SLC37A1: variants seen among roughly 807,000 people sequenced by gnomAD.
SLC37A1 encodes the protein glucose-6-phosphate exchanger SLC37A1.
A neutral mutation model predicts 75.3 loss-of-function variants in SLC37A1; 49 were observed. The observed-to-expected ratio is 0.65, with a 90% CI of 0.52 to 0.83. The LOEUF (loss-of-function observed/expected upper bound fraction) is 0.83, where lower values mean the gene tolerates loss of function less well. SLC37A1 is among the 40% of genes least tolerant of loss of function. The probability of loss-of-function intolerance (pLI) is 0.00; values close to 1 mark genes in which losing one functional copy is unlikely to be tolerated. For missense variants in SLC37A1, 566 were observed against 695.0 expected (o/e 0.81, Z 2.09); for synonymous variants, 268 against 292.1 (o/e 0.92, Z 0.84).
intron 16 of SLC37A1, among the ~76,000 whole-genome samples, chr21:42,568,095 G>A (rs1047406282): frequency 2.0e-5 from 3 of 152,260 alleles, no homozygotes; most frequent in Non-Finnish European, 2.9e-5. Flanking sequence ...GGAGGAGCAG[G>A]ACTGTGCGGA....
upstream of SLC37A1, among the ~76,000 whole-genome samples, chr21:42,511,831 A>G (rs916901200): frequency 6.6e-6 from 1 of 152,136 alleles, no homozygotes; most frequent in Non-Finnish European, 1.5e-5. Context: ...AAAAATATGC[A>G]TGACCTCACT....
At chr21:42,563,767 G>A in intron 12 of SLC37A1, 48 bp from the exon 13 acceptor site, 5 of 1,584,762 alleles carry the variant, frequency 3.2e-6, no homozygotes, top group Non-Finnish European at 4.3e-6. Flanking sequence ...TCGCTGCGAT[G>A]CGTGAAGGAG....
chr21:42,561,967 C>CAGAG (rs2055841604), intron 11 of SLC37A1, 111 bp from the exon 12 acceptor site: 2 of 875,380 alleles, frequency 2.3e-6, no homozygotes, highest in Non-Finnish European at 3.8e-6. Context: ...AAAGCCAGAC[C>CAGAG]AGAGACAGGA....
At position 42,572,839 on chromosome 21, in the gene SLC37A1, G is replaced by A. The variant is rs144472211; in HGVS notation, c.1424-1979G>A. 2.7e-3 allele frequency among the ~76,000 whole-genome samples: 412 copies of A among 152,194 alleles called. 1 individual carries two copies. The highest frequency in any genetic ancestry group is 9.5e-3 in the African/African-American group (394 of 41,486). Reference sequence around the variant, plus strand: ...CTCCTGCCAGCTTGCTTGCTTTCACGTTGGGGTGTTCCCCAGACACAGGGC... The same window carrying A: ...CTCCTGCCAGCTTGCTTGCTTTCACATTGGGGTGTTCCCCAGACACAGGGC... On this transcript the variant is annotated intron_variant, in intron 17 of 19. Transcript: ENST00000352133.
chr21:42,534,083 C>T (rs2055067574), intron 3 of SLC37A1, among the ~76,000 whole-genome samples: 1 of 152,180 alleles, frequency 6.6e-6, no homozygotes, highest in South Asian at 2.1e-4. Context: ...TTTCTGGCTC[C>T]CAGACAGCTC....
rs1373851002 is a variant in SLC37A1, at chr21:42,562,134, C to T, written c.1038C>T (p.Phe346=). 2 of 1,614,226 alleles carry T rather than the reference C, an allele frequency of 1.2e-6. No individual in the cohort carries two copies. The highest frequency in any genetic ancestry group is 1.7e-6 in the Non-Finnish European group (2 of 1,180,042). The change falls in exon 12 of 20, where the codon TTC becomes TTT. Residue 346 remains phenylalanine, a synonymous_variant. Coordinates refer to ENST00000352133, the MANE Select transcript of SLC37A1 (RefSeq NM_001320537.2). ...TTGCCAAGCTGGTCAGCTATACTTTCCTCTTCTGGCTGCCCCTGTACATCA... is the reference window on the plus strand; with the variant it reads ...TTGCCAAGCTGGTCAGCTATACTTTTCTCTTCTGGCTGCCCCTGTACATCA... ...LLFAKLVSYT[F]LFWLPLYITN...
chr21:42,543,303 A>T, intron 7 of SLC37A1, 133 bp from the exon 8 acceptor site: 1 of 1,009,456 alleles, frequency 9.9e-7, no homozygotes, highest in Non-Finnish European at 1.6e-6. Context: ...CATGGCACAG[A>T]AGCAGGGTCT....
chr21:42,525,859 T>G lies in SLC37A1; in HGVS notation c.138+2T>G. The stretch of plus-strand genomic sequence containing the variant: ...CGAAAGCCTATCAGCATAGTTAAGG[T>G]AAGAATCATGGAAAGCACTGCCTGT... On this transcript the variant is annotated splice_donor_variant, in intron 3 of 19. Coordinates refer to ENST00000352133, the MANE Select transcript of SLC37A1 (RefSeq NM_001320537.2). LOFTEE classifies it high-confidence loss of function. 6.2e-7 allele frequency: 1 copy of G among 1,612,008 alleles called. No homozygotes were observed. Among genetic ancestry groups the G allele is most frequent in the South Asian group, 1.1e-5 (1 of 91,038 alleles).
rs758908719 is a variant in SLC37A1, at chr21:42,539,602, G to A, written c.441G>A (p.Gly147=). Residue 147 remains glycine (G), a synonymous_variant, in exon 6 of 20, where the codon GGG becomes GGA. Coordinates refer to ENST00000352133, the MANE Select transcript of SLC37A1 (RefSeq NM_001320537.2). ...SGAFTALFGL[G]YFYNIHSFGF... ...CCTTCACCGCCCTGTTCGGCTTAGGGTATTTCTACAACATCCACAGTTTCG... is the reference window on the plus strand; with the variant it reads ...CCTTCACCGCCCTGTTCGGCTTAGGATATTTCTACAACATCCACAGTTTCG... 3.7e-6 allele frequency: 6 copies of A among 1,613,954 alleles called. 1 individual carries two copies. The highest frequency in any genetic ancestry group is 1.7e-4 in the Middle Eastern group (1 of 6,060).
At chr21:42,567,673 G>A (rs1368017998) in intron 16 of SLC37A1, among the ~76,000 whole-genome samples, 1 of 152,110 alleles carries the variant, frequency 6.6e-6, no homozygotes, top group Admixed American at 6.5e-5. Context: ...CATATTACGT[G>A]CATATACAAG....
At chr21:42,576,684 G>GA (rs1475469883) in intron 18 of SLC37A1, among the ~76,000 whole-genome samples, 1 of 152,140 alleles carries the variant, frequency 6.6e-6, no homozygotes, top group African/African-American at 2.4e-5. Context: ...AGACACTATT[G>GA]AAAAGACAGA....
intron 16 of SLC37A1, among the ~76,000 whole-genome samples, 193 bp downstream of exon 16, chr21:42,567,251 G>A (rs945469866): frequency 6.6e-6 from 1 of 152,244 alleles, no homozygotes; most frequent in Admixed American, 6.5e-5. Context: ...TCATGGGCAG[G>A]TTGGTGCAAA....
chr21:42,530,595 T>TACACACACACACACAC (rs71190427), intron 3 of SLC37A1, among the ~76,000 whole-genome samples: 28 of 103,224 alleles, frequency 2.7e-4, no homozygotes, highest in East Asian at 1.7e-3. Flanking sequence ...ATGCAGATGA[T>TACACACACACACACAC]ACACACACAC....
At chr21:42,520,355 T>C (rs2054618609) in intron 2 of SLC37A1, among the ~76,000 whole-genome samples, 1 of 152,238 alleles carries the variant, frequency 6.6e-6, no homozygotes, top group Non-Finnish European at 1.5e-5. Context: ...TTTTTCCTTC[T>C]TCTTCTGAGA....
chr21:42,568,301 C>T, intron 16 of SLC37A1, 59 bp from the exon 17 acceptor site: 4 of 1,381,346 alleles, frequency 2.9e-6, no homozygotes, highest in Middle Eastern at 1.8e-4. Flanking sequence ...CATACAGAGG[C>T]TTAGGTTTAC....
chr21:42,573,036 A>G (rs113714896), intron 17 of SLC37A1, among the ~76,000 whole-genome samples: 13,301 of 152,204 alleles, frequency 0.087, 802 homozygotes, highest in Non-Finnish European at 0.13. Context: ...TCCAGCTGCC[A>G]ACATCCTTGC....
At chr21:42,549,391 T>A (rs1314293376) in intron 9 of SLC37A1, among the ~76,000 whole-genome samples, 4 of 152,196 alleles carry the variant, frequency 2.6e-5, no homozygotes, top group Non-Finnish European at 5.9e-5. Context: ...AAGCCTGTGT[T>A]TCATTCTCCC....
chr21:42,574,714 C>CT lies in SLC37A1; in HGVS notation c.1424-101dup, dbSNP rs929922407. 1.6e-5 allele frequency: 17 copies of CT among 1,087,696 alleles called. No individual in the cohort carries two copies. In the African/African-American group the frequency reaches 2.6e-4, roughly 17 times the overall value. 67.4% of individuals were successfully genotyped at this position (1,087,696 alleles called of 1,614,324 possible). A position where few individuals can be genotyped will look rare whatever the true frequency, so the allele number is the denominator to read the frequency against. On this transcript the variant is annotated intron_variant, in intron 17 of 19. Coordinates refer to ENST00000352133, the MANE Select transcript of SLC37A1 (RefSeq NM_001320537.2). Reference sequence around the variant, plus strand: ...AGGTAGTGTAGTTCCATATGTGTTCCTTTCATTGTGAGTGAGGTGTTGAGC... The same window carrying CT: ...AGGTAGTGTAGTTCCATATGTGTTCCTTTTCATTGTGAGTGAGGTGTTGAGC...
At position 42,581,068 on chromosome 21, in the gene SLC37A1, C is replaced by G. The variant is rs1405271596; in HGVS notation, c.*708C>G. ...CAGAGCGCCCCAAAGTCACCGTCAT[C>G]CCAGCCCCTGGCCTTCCTGCTGCCC... is the stretch of plus-strand genomic sequence containing the variant. On this transcript the variant is annotated 3_prime_UTR_variant, in exon 20 of 20. Transcript: ENST00000352133. The G allele has an allele frequency of 6.6e-6, 1 of 152,566 alleles. No homozygotes were observed. The highest frequency in any genetic ancestry group is 2.4e-5 in the African/African-American group (1 of 41,468). The allele number at this position is 152,566 out of a possible 1,614,324, so 9.5% of individuals were successfully genotyped here. A position where few individuals can be genotyped will look rare whatever the true frequency, so the allele number is the denominator to read the frequency against.
Sources: allele counts gnomAD v4.1 joint callset (sites outside exome capture counted in the v4.1 genomes callset), GRCh38; gene constraint gnomAD v4.1.1; transcripts MANE v1.5; gene names NCBI Gene and HGNC (gene_info 2026-07-23, HGNC 2026-07-21).